Variants in SMIM36 observed in about 807,000 individuals in gnomAD.
SMIM36 encodes the protein small integral membrane protein 36.
chr17:55,508,176 A>AT (rs1910111978), intron 1 of SMIM36, among the ~76,000 whole-genome samples: 1 of 151,920 alleles, frequency 6.6e-6, no homozygotes, highest in African/African-American at 2.4e-5. Flanking sequence ...TGAGTGTTGT[A>AT]TTTACACTGC....
At chr17:55,511,091 C>T (rs1425396672) in exon 1 of SMIM36, 1 of 398,472 alleles carries the variant, frequency 2.5e-6, no homozygotes, top group Non-Finnish European at 4.4e-6. Context: ...GGAGCAGGAT[C>T]CCCCAAAGAA....
chr17:55,507,572 C>T lies in SMIM36; in HGVS notation c.*174+3307G>A, dbSNP rs548617947. Among the ~76,000 whole-genome samples, 483 of 91,920 alleles carry T rather than the reference C, an allele frequency of 5.3e-3. 9 individuals are homozygous for T. Among genetic ancestry groups the T allele is most frequent in the African/African-American group, 0.021 (455 of 21,974 alleles). 60.3% of individuals were successfully genotyped at this position (91,920 alleles called of 152,430 possible). A position where few individuals can be genotyped will look rare whatever the true frequency, so the allele number is the denominator to read the frequency against. ...GAAGGGGAATATCACACTCTGGGGA[C>T]TGTGGTGGGGTGGGGGGAGGGGGGA... On this transcript the variant is annotated intron_variant, in intron 1 of 4. Coordinates refer to ENST00000636752, the Ensembl canonical transcript of SMIM36.
chr17:55,460,972 G>A (rs1327607698), intron 4 of SMIM36, among the ~76,000 whole-genome samples: 1 of 152,172 alleles, frequency 6.6e-6, no homozygotes, highest in Non-Finnish European at 1.5e-5. Flanking sequence ...AGAAAATCTG[G>A]GAGAAGGAGA....
chr17:55,462,527 G>A (rs535324948), intron 4 of SMIM36, among the ~76,000 whole-genome samples: 5 of 152,270 alleles, frequency 3.3e-5, no homozygotes, highest in South Asian at 4.1e-4. Flanking sequence ...GATCATTTGA[G>A]CCTAGGAATT....
At chr17:55,493,120 T>C (rs1435583319) in intron 1 of SMIM36, among the ~76,000 whole-genome samples, 1 of 152,172 alleles carries the variant, frequency 6.6e-6, no homozygotes, top group Admixed American at 6.5e-5. Context: ...TCAACAACAA[T>C]GCTGTAGCCA....
intron 4 of SMIM36, among the ~76,000 whole-genome samples, chr17:55,454,987 G>A (rs980459122): frequency 6.6e-6 from 1 of 152,176 alleles, no homozygotes; most frequent in African/African-American, 2.4e-5. Flanking sequence ...GCAATGGATA[G>A]TCTTAGAGAG....
At chr17:55,486,216 T>C (rs1909606662) in intron 1 of SMIM36, among the ~76,000 whole-genome samples, 2 of 152,004 alleles carry the variant, frequency 1.3e-5, no homozygotes, top group South Asian at 4.1e-4. Flanking sequence ...TTTTTGTATT[T>C]TTATTAGAGA....
At chr17:55,503,987 C>T (rs921680289) in intron 1 of SMIM36, among the ~76,000 whole-genome samples, 1 of 93,514 alleles carries the variant, frequency 1.1e-5, no homozygotes, top group Non-Finnish European at 1.9e-5. Context: ...AAGGCCATTA[C>T]ATAATGGTAA....
rs1202787633 is a variant in SMIM36 at position 55,490,292 on chromosome 17, G to C, written c.*175-10712C>G. On this transcript the variant is annotated intron_variant, in intron 1 of 4. Transcript: ENST00000636752. ...CTGGGTTCTGGCACTGATTCTGCCA[G>C]GTGGTATCCTGAGCAGGGCGCTTTT... 3.3e-5 allele frequency among the ~76,000 whole-genome samples: 5 copies of C among 152,170 alleles called. No homozygotes were observed. In the East Asian group the frequency reaches 9.6e-4, roughly 29 times the overall value.
intron 1 of SMIM36, among the ~76,000 whole-genome samples, chr17:55,497,055 T>C (rs1909821624): frequency 1.3e-5 from 2 of 152,138 alleles, no homozygotes; most frequent in Admixed American, 1.3e-4. Context: ...TTAGGGATAA[T>C]TCCGAACTGT....
the SMIM36 span, among the ~76,000 whole-genome samples, chr17:55,525,439 C>T: frequency 6.6e-6 from 1 of 152,168 alleles, no homozygotes; most frequent in South Asian, 2.1e-4. Flanking sequence ...CATTACCCTT[C>T]TCCTCTGAAA....
intron 1 of SMIM36, among the ~76,000 whole-genome samples, chr17:55,486,157 C>A (rs1909604797): frequency 6.6e-6 from 1 of 151,810 alleles, no homozygotes; most frequent in African/African-American, 2.4e-5. Flanking sequence ...GCCTCAGCCT[C>A]CCAAGTAGCT....
chr17:55,529,806 A>G, the SMIM36 span, among the ~76,000 whole-genome samples: 1 of 151,398 alleles, frequency 6.6e-6, no homozygotes, highest in Admixed American at 6.6e-5. Flanking sequence ...CAAACAAACA[A>G]AAAACAAAAC....
At chr17:55,501,484 TATATA>T (rs568668324) in intron 1 of SMIM36, among the ~76,000 whole-genome samples, 66 of 98,744 alleles carry the variant, frequency 6.7e-4, no homozygotes, top group African/African-American at 7.0e-4. Flanking sequence ...ATAATTATTA[TATATA>T]ATATAATATA....
chr17:55,505,972 C>T (rs1468430746), intron 1 of SMIM36, among the ~76,000 whole-genome samples: 1 of 72,188 alleles, frequency 1.4e-5, no homozygotes, highest in African/African-American at 1.5e-4. Flanking sequence ...AACTCCCATT[C>T]ACAATTGCTT....
At chr17:55,480,224 G>GA (rs1347482829) in intron 1 of SMIM36, among the ~76,000 whole-genome samples, 1 of 136,248 alleles carries the variant, frequency 7.3e-6, no homozygotes, top group African/African-American at 2.8e-5. Context: ...GGCAGAGGCA[G>GA]AAAAAATGGA....
intron 4 of SMIM36, among the ~76,000 whole-genome samples, chr17:55,457,221 G>A (rs142701501): frequency 2.9e-4 from 44 of 152,062 alleles, no homozygotes; most frequent in African/African-American, 1.0e-3. Context: ...AGGCTGAGAC[G>A]GGCGGATCAC....
At chr17:55,458,566 C>T (rs1909073785) in intron 4 of SMIM36, 1 of 136,226 alleles carries the variant, frequency 7.3e-6, no homozygotes, top group Non-Finnish European at 1.6e-5. Flanking sequence ...CGTTCTCCAC[C>T]CCCACCCCCC....
the SMIM36 span, among the ~76,000 whole-genome samples, chr17:55,520,794 G>A: frequency 6.6e-6 from 1 of 152,192 alleles, no homozygotes; most frequent in Non-Finnish European, 1.5e-5. Flanking sequence ...GGATAAGAGG[G>A]AAGCCACTGC....
Sources: gnomAD v4.1 joint callset for allele counts (sites outside exome capture counted in the v4.1 genomes callset) on GRCh38, gnomAD v4.1.1 for gene constraint, MANE v1.5 for transcripts, NCBI Gene and HGNC (gene_info 2026-07-23, HGNC 2026-07-21) for gene names.